The following MDM1 variants were observed in gnomAD, a reference collection of about 807,000 sequenced individuals.
MDM1 encodes the protein stabilizer of axonemal microtubules 6.
A neutral mutation model predicts 89.1 loss-of-function variants in MDM1; 61 were observed. The observed-to-expected ratio is 0.68, with a 90% CI of 0.56 to 0.85. The LOEUF (loss-of-function observed/expected upper bound fraction) is 0.85, where lower values mean the gene tolerates loss of function less well. Ranked by LOEUF, MDM1 falls within the 40% of genes least tolerant of loss-of-function variation. The probability of loss-of-function intolerance (pLI) is 0.00; values close to 1 mark genes in which losing one functional copy is unlikely to be tolerated. For missense variants in MDM1, 820 were observed against 846.5 expected, an observed-to-expected ratio of 0.97 and a Z score of 0.39; for synonymous variants, 290 against 294.1, an observed-to-expected ratio of 0.99 and a Z score of 0.14.
intron 2 of MDM1, chr12:68,327,431 CT>C: frequency 6.5e-7 from 1 of 1,535,848 alleles, no homozygotes; most frequent in Non-Finnish European, 8.7e-7. Flanking sequence ...CACAAAGCTT[CT>C]CTTATGTGGA....
At chr12:68,331,860 T>C in intron 1 of MDM1, 2 of 495,914 alleles carry the variant, frequency 4.0e-6, no homozygotes. Flanking sequence ...TACACTAAAG[T>C]TTTAAAGGTA....
At chr12:68,320,323 G>C (rs974262414) in intron 7 of MDM1, among the ~76,000 whole-genome samples, 1 of 152,142 alleles carries the variant, frequency 6.6e-6, no homozygotes, top group African/African-American at 2.4e-5. Flanking sequence ...GATAATATCC[G>C]GGACAGCTTT....
In MDM1 at chr12:68,331,203, T is replaced by G. The variant is rs778494486; in HGVS notation, c.37A>C (p.Arg13=). The G allele has an allele frequency of 5.0e-6, 8 of 1,601,270 alleles. No individual in the cohort carries two copies. The highest frequency in any genetic ancestry group is 6.8e-6 in the Non-Finnish European group (8 of 1,168,240). The change falls in exon 2 of 15, where the codon AGG becomes CGG. Residue 13 remains arginine, a synonymous_variant. Coordinates refer to ENST00000682720, the MANE Select transcript of MDM1 (RefSeq NM_001354969.2). ...VRFKGLSEYQ[R]NFLWKKSYLS... Reference sequence around the variant, plus strand: ...TAAGACTTTTTCCACAGGAAGTTCCTCTGGTATTCACTCAGCCCCTGTAAT... The same window carrying G: ...TAAGACTTTTTCCACAGGAAGTTCCGCTGGTATTCACTCAGCCCCTGTAAT...
At chr12:68,305,713 C>T (rs1331129533) in intron 12 of MDM1, among the ~76,000 whole-genome samples, 1 of 151,964 alleles carries the variant, frequency 6.6e-6, no homozygotes, top group Admixed American at 6.6e-5. Context: ...AAGATCTCCC[C>T]ATGAACTACA....
Position 68,325,461 on chromosome 12 carries a change from G to A in MDM1, c.613C>T (p.Pro205Ser). The change falls in exon 4 of 15, where the codon CCA (proline) becomes TCA (serine). Residue 205 changes from proline to serine, a missense_variant. Pro to Ser is a moderately conservative substitution (Grantham distance 74, BLOSUM62 -1). Coordinates refer to ENST00000682720, the MANE Select transcript of MDM1 (RefSeq NM_001354969.2). Reference protein sequence around the residue: ...FVWKTSKETAPAFAANQVFHN... With the variant: ...FVWKTSKETASAFAANQVFHN... ...GCTACCTGATTGGCTGCAAAAGCTG[G>A]AGCAGTTTCTTTAGAAGTCTTCCAA... The A allele has an allele frequency of 6.3e-7, 1 of 1,582,030 alleles. No individual in the cohort carries two copies. The highest frequency in any genetic ancestry group is 8.6e-7 in the Non-Finnish European group (1 of 1,166,182).
intron 7 of MDM1, among the ~76,000 whole-genome samples, chr12:68,317,942 C>T (rs1241052518): frequency 6.6e-6 from 1 of 152,200 alleles, no homozygotes; most frequent in Non-Finnish European, 1.5e-5. Flanking sequence ...TTGGGCACAT[C>T]CCCATTAATA....
Position 68,325,002 on chromosome 12 carries a change from GTGTTACTGTCAACATATTT to G in MDM1, c.633+420_633+438del, listed in dbSNP as rs1171594473. Reference sequence around the variant, plus strand: ...ATACAAGGACAAAATTACGTATCTTGTGTTACTGTCAACATATTTTGTATTTATTAAATATTCAAAGCAG... The same window carrying G: ...ATACAAGGACAAAATTACGTATCTTGTGTATTTATTAAATATTCAAAGCAG... On this transcript the variant is annotated intron_variant, in intron 4 of 14. Coordinates refer to ENST00000682720, the MANE Select transcript of MDM1 (RefSeq NM_001354969.2). 4 of 979,016 alleles carry G rather than the reference GTGTTACTGTCAACATATTT, an allele frequency of 4.1e-6. No homozygotes were observed. The African/African-American group carries it at 7.0e-5, about 17-fold the overall frequency. The allele number at this position is 979,016 out of a possible 1,614,324, so 60.6% of individuals were successfully genotyped here.
intron 7 of MDM1, among the ~76,000 whole-genome samples, chr12:68,318,446 T>C (rs190219755): frequency 7.9e-5 from 12 of 152,330 alleles, no homozygotes; most frequent in African/African-American, 2.9e-4. Context: ...AGACTTTGAT[T>C]TATTCAGTTC....
chr12:68,295,776 G>A (rs1871296487), intron 14 of MDM1, among the ~76,000 whole-genome samples: 2 of 152,028 alleles, frequency 1.3e-5, no homozygotes, highest in Non-Finnish European at 2.9e-5. Context: ...ACCTTAACAT[G>A]GCATTTACAT....
At chr12:68,299,176 T>C (rs1158257303) in intron 13 of MDM1, among the ~76,000 whole-genome samples, 1 of 151,970 alleles carries the variant, frequency 6.6e-6, no homozygotes, top group African/African-American at 2.4e-5. Flanking sequence ...ACAATTAGAA[T>C]AGTCTACCCA....
Position 68,326,943 on chromosome 12 carries a change from C to T in MDM1, c.212G>A (p.Trp71Ter), listed in dbSNP as rs971330459. ...HDPQISKSLE[W>*]NGAISESNVV... The stretch of plus-strand genomic sequence containing the variant: ...ATTGCTCTCTGAGATAGCTCCATTC[C>T]ACTCCAGAGATTTTGAAATCTGTGG... The change falls in exon 3 of 15, where the codon TGG becomes TAG. Residue 71 changes from tryptophan (W) to a stop codon, truncating the protein, a stop_gained. Transcript: ENST00000682720. LOFTEE classifies it high-confidence loss of function. The T allele has an allele frequency of 1.2e-6, 2 of 1,613,848 alleles. No homozygotes were observed. Among genetic ancestry groups the T allele is most frequent in the Non-Finnish European group, 1.7e-6 (2 of 1,179,992 alleles).
chr12:68,327,487 T>C (rs1876179737), intron 2 of MDM1: 1 of 1,535,808 alleles, frequency 6.5e-7, no homozygotes, highest in African/African-American at 1.4e-5. Flanking sequence ...TGCTGGATCT[T>C]GGTTCTACAT....
chr12:68,328,598 G>A (rs946969530), intron 2 of MDM1, among the ~76,000 whole-genome samples: 3 of 152,068 alleles, frequency 2.0e-5, no homozygotes, highest in Non-Finnish European at 4.4e-5. Flanking sequence ...AATGTGTGAC[G>A]AAGCACAATG....
Position 68,326,658 on chromosome 12 carries a change from C to G in MDM1, c.497G>C (p.Gly166Ala). 6.2e-7 allele frequency: 1 copy of G among 1,614,076 alleles called. No individual in the cohort carries two copies. The highest frequency in any genetic ancestry group is 1.3e-5 in the African/African-American group (1 of 75,028). The change falls in exon 3 of 15, where the codon GGG becomes GCG. Residue 166 changes from glycine to alanine, a missense_variant and splice_region_variant. Coordinates refer to ENST00000682720, the MANE Select transcript of MDM1 (RefSeq NM_001354969.2). ...TKVLSENVDN[G>A]LDRLLRKKAG... ...AAGAAATGCAGTGAATATGCCTACC[C>G]CATTATCTACATTTTCTGAAAGAAC...
chr12:68,332,100 C>G, intron 1 of MDM1, 128 bp downstream of exon 1: 2 of 1,331,082 alleles, frequency 1.5e-6, no homozygotes, highest in South Asian at 2.5e-5. Flanking sequence ...CTCGAGCAGG[C>G]CCTGGGGCTG....
chr12:68,311,512 G>C (rs548780620), intron 12 of MDM1, among the ~76,000 whole-genome samples: 87 of 152,240 alleles, frequency 5.7e-4, no homozygotes, highest in Non-Finnish European at 9.6e-4. Context: ...AGCAGTGCCT[G>C]CCCATGAATT....
Position 68,315,280 on chromosome 12 carries a change from C to G in MDM1, c.1212-15G>C, listed in dbSNP as rs1483265646. The G allele has an allele frequency of 6.3e-7, 1 of 1,592,856 alleles. No individual in the cohort carries two copies. Among genetic ancestry groups the G allele is most frequent in the Admixed American group, 1.8e-5 (1 of 55,924 alleles). ...TTGTAGGATCTCTGCGTAACAAAAT[C>G]AATTTTATTTTAAATGTGAATAGTT... On this transcript the variant is annotated splice_polypyrimidine_tract_variant and intron_variant, in intron 9 of 14. Transcript: ENST00000682720.
rs1876603210 is a variant in MDM1, at chr12:68,330,323, G to C, written c.133+784C>G. Among the ~76,000 whole-genome samples, 2 of 152,166 alleles carry C rather than the reference G, an allele frequency of 1.3e-5. 1 individual carries two copies. Among genetic ancestry groups the C allele is most frequent in the Non-Finnish European group, 2.9e-5 (2 of 68,030 alleles). ...TAACGAGATGCAGATAAACTAGGGA[G>C]AAAGAGAGTTTTTATTTCTATAACC... On this transcript the variant is annotated intron_variant, in intron 2 of 14. Coordinates refer to ENST00000682720, the MANE Select transcript of MDM1 (RefSeq NM_001354969.2).
chr12:68,315,884 T>C (rs1025349775), intron 9 of MDM1, among the ~76,000 whole-genome samples, 194 bp downstream of exon 9: 1 of 152,226 alleles, frequency 6.6e-6, no homozygotes, highest in Non-Finnish European at 1.5e-5. Flanking sequence ...ATTTACATTA[T>C]GTGTTATTTA....
Sources: gnomAD v4.1 joint callset for allele counts (sites outside exome capture counted in the v4.1 genomes callset) on GRCh38, gnomAD v4.1.1 for gene constraint, MANE v1.5 for transcripts, NCBI Gene and HGNC (gene_info 2026-07-23, HGNC 2026-07-21) for gene names.